ENY2: variants seen among roughly 807,000 people sequenced by gnomAD.
ENY2 encodes transcription and mRNA export factor ENY2.
ENY2 carries 4 observed loss-of-function variants against 15.9 expected under a neutral mutation model. The ratio of observed to expected loss-of-function variants is 0.25; its 90% CI spans 0.12 to 0.57. The LOEUF (loss-of-function observed/expected upper bound fraction) is 0.57, where lower values mean the gene tolerates loss of function less well. ENY2 is among the 20% of genes least tolerant of loss of function. ENY2 has a pLI of 0.91. For synonymous variants in ENY2, 48 were observed against 38.0 expected (o/e 1.26, Z -0.97); for missense variants, 54 against 117.2 (o/e 0.46, Z 2.49).
chr8:109,334,654 C>T (rs1049008411), intron 1 of ENY2, 180 bp downstream of exon 1: 4 of 636,282 alleles, frequency 6.3e-6, no homozygotes, highest in Admixed American at 3.4e-5. Context: ...CTCCTCCTCT[C>T]CCGCCTCTCC....
At chr8:109,342,757 A>G (rs1420347411) in intron 4 of ENY2, 2 of 696,752 alleles carry the variant, frequency 2.9e-6, no homozygotes, top group South Asian at 1.5e-5. Flanking sequence ...TCCTGCCTCA[A>G]CCTTCCAGAC....
intron 2 of ENY2, among the ~76,000 whole-genome samples, chr8:109,337,221 A>G (rs914707618): frequency 1.3e-5 from 2 of 152,054 alleles, no homozygotes; most frequent in Admixed American, 1.3e-4. Flanking sequence ...AAAACTCCAA[A>G]AATTGGAAGG....
intron 2 of ENY2, among the ~76,000 whole-genome samples, chr8:109,337,753 T>G (rs1254520798): frequency 1.3e-5 from 2 of 151,982 alleles, no homozygotes; most frequent in Admixed American, 6.5e-5. Context: ...AATACAAAAA[T>G]TAGCCATGCA....
chr8:109,342,575 T>A (rs1380926783), intron 4 of ENY2: 1 of 584,162 alleles, frequency 1.7e-6, no homozygotes, highest in Non-Finnish European at 3.1e-6. Context: ...GGTGGCATGA[T>A]CATGGCTCAC....
At position 109,345,724 on chromosome 8, in the gene ENY2, C is replaced by T. The variant is rs1008178366; in HGVS notation, c.*2243C>T. On this transcript the variant is annotated 3_prime_UTR_variant, in exon 5 of 5. Transcript: ENST00000521688. ...TCATAGAGATACTATTTTATTACCT[C>T]AAAAATATATAAAAATGAAAACGTT... is the stretch of plus-strand genomic sequence containing the variant. The T allele has an allele frequency of 1.3e-5, 2 of 151,818 alleles. No individual in the cohort carries two copies. The highest frequency in any genetic ancestry group is 6.6e-5 in the Admixed American group (1 of 15,236). The allele number at this position is 151,818 out of a possible 1,614,324, so 9.4% of individuals were successfully genotyped here. A position where few individuals can be genotyped will look rare whatever the true frequency, so the allele number is the denominator to read the frequency against.
In ENY2 at chr8:109,345,747, G is replaced by T. The variant is rs527820083; in HGVS notation, c.*2266G>T. 5.3e-5 allele frequency: 8 copies of T among 152,012 alleles called. No individual in the cohort carries two copies. The highest frequency in any genetic ancestry group is 1.9e-4 in the African/African-American group (8 of 41,414). The allele number at this position is 152,012 out of a possible 1,614,324, so 9.4% of individuals were successfully genotyped here. On this transcript the variant is annotated 3_prime_UTR_variant, in exon 5 of 5. Coordinates refer to ENST00000521688, the MANE Select transcript of ENY2 (RefSeq NM_020189.6). ...CTCAAAAATATATAAAAATGAAAACGTTATGAAAATATTTTAAAATGGGAT... is the reference window on the plus strand; with the variant it reads ...CTCAAAAATATATAAAAATGAAAACTTTATGAAAATATTTTAAAATGGGAT...
chr8:109,340,330 A>G (rs1470815751), intron 3 of ENY2, 159 bp from the exon 4 acceptor site: 1 of 971,622 alleles, frequency 1.0e-6, no homozygotes, highest in East Asian at 2.8e-5. Context: ...TCTAAAGAAT[A>G]CTTGATGTGT....
intron 2 of ENY2, chr8:109,336,480 A>C (rs1036980504): frequency 3.5e-6 from 1 of 285,496 alleles, no homozygotes; most frequent in African/African-American, 2.2e-5. Context: ...CTGGAGACAT[A>C]ATGTTACCTG....
chr8:109,343,588 A>G lies in ENY2; in HGVS notation c.*107A>G, dbSNP rs890088963. 1.6e-5 allele frequency: 15 copies of G among 912,210 alleles called. No homozygotes were observed. In the South Asian group the frequency reaches 1.8e-4, roughly 11 times the overall value. The allele number at this position is 912,210 out of a possible 1,614,324, so 56.5% of individuals were successfully genotyped here. A position where few individuals can be genotyped will look rare whatever the true frequency, so the allele number is the denominator to read the frequency against. On this transcript the variant is annotated 3_prime_UTR_variant, in exon 5 of 5. Transcript: ENST00000521688. ...AATCCTTTTTTGTATGATGGTATAC[A>G]GTTTTCAGTAATGATGTATACATTG... is the stretch of plus-strand genomic sequence containing the variant.
In ENY2 at chr8:109,334,374, G is replaced by C; in HGVS notation, c.-95G>C. 2.5e-6 allele frequency: 4 copies of C among 1,574,896 alleles called. No individual in the cohort carries two copies. The highest frequency in any genetic ancestry group is 2.3e-5 in the South Asian group (2 of 88,762). On this transcript the variant is annotated 5_prime_UTR_variant, in exon 1 of 5. Coordinates refer to ENST00000521688, the MANE Select transcript of ENY2 (RefSeq NM_020189.6). ...GTGCTTAGGTGCCCGAGCTACTGAG[G>C]GTCTAAGTCCGGGCAGCCGAAGAGT... is the stretch of plus-strand genomic sequence containing the variant.
rs1278976490 is a variant in ENY2, at chr8:109,344,566, T to C, written c.*1085T>C. The C allele has an allele frequency of 1.3e-5, 2 of 152,208 alleles. No homozygotes were observed. The highest frequency in any genetic ancestry group is 1.9e-4 in the East Asian group (1 of 5,198). The allele number at this position is 152,208 out of a possible 1,614,324, so 9.4% of individuals were successfully genotyped here. On this transcript the variant is annotated 3_prime_UTR_variant, in exon 5 of 5. Coordinates refer to ENST00000521688, the MANE Select transcript of ENY2 (RefSeq NM_020189.6). Reference sequence around the variant, plus strand: ...GACCTTACCTAAAATAATGACTTTTTCCCCCAATAATTGCCCCTGCTATAT... The same window carrying C: ...GACCTTACCTAAAATAATGACTTTTCCCCCCAATAATTGCCCCTGCTATAT...
chr8:109,339,472 T>C, intron 3 of ENY2, 82 bp downstream of exon 3: 2 of 1,132,822 alleles, frequency 1.8e-6, no homozygotes, highest in Non-Finnish European at 2.6e-6. Flanking sequence ...TTAAGGTATA[T>C]TGAGTATTCA....
At chr8:109,336,277 A>C in intron 2 of ENY2, 73 bp downstream of exon 2, 1 of 1,207,766 alleles carries the variant, frequency 8.3e-7, no homozygotes. Flanking sequence ...TCTAAACAAG[A>C]AATGAAACAT....
intron 1 of ENY2, chr8:109,335,836 CT>C (rs1469454606): frequency 2.8e-5 from 6 of 213,492 alleles, no homozygotes; most frequent in African/African-American, 1.4e-4. Context: ...CTTTCTATCT[CT>C]GTGCCTCAGT....
chr8:109,338,306 A>G (rs1046995268), intron 2 of ENY2: 1 of 152,206 alleles, frequency 6.6e-6, no homozygotes, highest in Non-Finnish European at 1.5e-5. Flanking sequence ...ATTGAACCCA[A>G]TAGGATTTGC....
Position 109,343,456 on chromosome 8 carries a change from T to C in ENY2, c.281T>C (p.Phe94Ser). 1.2e-6 allele frequency: 2 copies of C among 1,613,012 alleles called. No homozygotes were observed. The highest frequency in any genetic ancestry group is 1.7e-6 in the Non-Finnish European group (2 of 1,179,556). Residue 94 changes from phenylalanine (F) to serine (S), a missense_variant, in exon 5 of 5, where the codon TTC (phenylalanine) becomes TCC (serine). Transcript: ENST00000521688. ...KKELLQRIRTFLAQHASL is the reference protein window; with the variant it reads ...KKELLQRIRTSLAQHASL ...GAGCTCCTACAAAGAATAAGAACATTCCTTGCTCAGCATGCCAGCCTTTAA... is the reference window on the plus strand; with the variant it reads ...GAGCTCCTACAAAGAATAAGAACATCCCTTGCTCAGCATGCCAGCCTTTAA...
chr8:109,339,632 C>CA (rs1462673727), intron 3 of ENY2: 1 of 411,604 alleles, frequency 2.4e-6, no homozygotes, highest in African/African-American at 2.1e-5. Context: ...TATGGAATCT[C>CA]ATGTCTTTCA....
At position 109,339,383 on chromosome 8, in the gene ENY2, C is replaced by T. The variant is rs754861380; in HGVS notation, c.147C>T (p.His49=). 3.1e-6 allele frequency: 5 copies of T among 1,613,592 alleles called. No individual in the cohort carries two copies. The South Asian group carries it at 5.5e-5, about 18-fold the overall frequency. ...GCTGGAAGGATCAGTTGAAGGCACACTGTAAAGGTAATCAGTTTCATTTGG... is the reference window on the plus strand; with the variant it reads ...GCTGGAAGGATCAGTTGAAGGCACATTGTAAAGGTAATCAGTTTCATTTGG... ...ECGWKDQLKA[H]CKEVIKEKGL... Residue 49 remains histidine (H), a synonymous_variant, in exon 3 of 5, where the codon CAC becomes CAT. Coordinates refer to ENST00000521688, the MANE Select transcript of ENY2 (RefSeq NM_020189.6).
chr8:109,337,646 G>A (rs1816018221), intron 2 of ENY2, among the ~76,000 whole-genome samples: 2 of 152,232 alleles, frequency 1.3e-5, no homozygotes, highest in Admixed American at 6.5e-5. Context: ...GCTCACGCCT[G>A]TAATCCCAGC....
Sources: gnomAD v4.1 joint callset for allele counts (sites outside exome capture counted in the v4.1 genomes callset) on GRCh38, gnomAD v4.1.1 for gene constraint, MANE v1.5 for transcripts, NCBI Gene and HGNC (gene_info 2026-07-23, HGNC 2026-07-21) for gene names.